RORB: variants seen among roughly 807,000 people sequenced by gnomAD.
The protein encoded by RORB is RAR related orphan receptor B.
In RORB, 6 loss-of-function variants were observed where a neutral mutation model predicts 59.1. The observed-to-expected ratio is 0.10, with a 90% CI of 0.06 to 0.20. The LOEUF (loss-of-function observed/expected upper bound fraction) is 0.20, where lower values mean the gene tolerates loss of function less well. RORB is among the 10% of genes least tolerant of loss of function. The probability of loss-of-function intolerance (pLI) is 1.00; values close to 1 mark genes in which losing one functional copy is unlikely to be tolerated. For synonymous variants in RORB, 215 were observed against 204.5 expected (o/e 1.05, Z -0.44); for missense variants, 320 against 560.5 (o/e 0.57, Z 4.33).
intron 2 of RORB, among the ~76,000 whole-genome samples, 200 bp from the exon 3 acceptor site, chr9:74,634,431 G>T (rs1385185485): frequency 1.3e-5 from 2 of 152,228 alleles, no homozygotes; most frequent in Non-Finnish European, 2.9e-5. Context: ...GTAAATGAAT[G>T]ATACCCTCAT....
chr9:74,571,756 A>T (rs989839060), intron 1 of RORB, among the ~76,000 whole-genome samples: 1 of 152,174 alleles, frequency 6.6e-6, no homozygotes, highest in Non-Finnish European at 1.5e-5. Context: ...CTATAGTTTG[A>T]CAAAATAGGA....
intron 1 of RORB, among the ~76,000 whole-genome samples, chr9:74,594,027 C>T (rs1342947471): frequency 6.6e-6 from 1 of 152,064 alleles, no homozygotes; most frequent in African/African-American, 2.4e-5. Context: ...TGCAAAGAGC[C>T]TCCAGTAGAA....
chr9:74,584,942 A>C (rs1822776475), intron 1 of RORB, among the ~76,000 whole-genome samples: 2 of 152,138 alleles, frequency 1.3e-5, no homozygotes, highest in Admixed American at 1.3e-4. Context: ...ACGATGCAAA[A>C]ACAAATGCTA....
intron 1 of RORB, among the ~76,000 whole-genome samples, chr9:74,622,507 G>C (rs895025432): frequency 1.7e-4 from 22 of 132,708 alleles, no homozygotes; most frequent in Non-Finnish European, 3.3e-4. Flanking sequence ...CAGAGATGCT[G>C]TTACAACCCA....
intron 1 of RORB, among the ~76,000 whole-genome samples, chr9:74,509,396 GA>G (rs1161166964): frequency 6.6e-6 from 1 of 151,596 alleles, no homozygotes; most frequent in Non-Finnish European, 1.5e-5. Flanking sequence ...TCAAAATTTT[GA>G]AAAAATTGCA....
chr9:74,679,828 A>G (rs1235173394), intron 9 of RORB, among the ~76,000 whole-genome samples: 1 of 151,764 alleles, frequency 6.6e-6, no homozygotes, highest in Non-Finnish European at 1.5e-5. Flanking sequence ...ATTCATTAAG[A>G]CTCTTTGGCC....
At chr9:74,539,868 CAA>C (rs11322021) in intron 1 of RORB, among the ~76,000 whole-genome samples, 1,471 of 113,552 alleles carry the variant, frequency 0.013, 15 homozygotes, top group Non-Finnish European at 0.015. Context: ...CTTAACCTCT[CAA>C]AAAAAAAAAA....
At position 74,613,817 on chromosome 9, in the gene RORB, G is replaced by T. The variant is rs556645586; in HGVS notation, c.8-16465G>T. On this transcript the variant is annotated intron_variant, in intron 1 of 9. Transcript: ENST00000376896. Reference sequence around the variant, plus strand: ...TAAGAGAAGACAGGAATAAAAGGAGGATTAACAAACCATTTGCTTTCTGTT... The same window carrying T: ...TAAGAGAAGACAGGAATAAAAGGAGTATTAACAAACCATTTGCTTTCTGTT... 6.0e-4 allele frequency among the ~76,000 whole-genome samples: 91 copies of T among 152,262 alleles called. 1 individual carries two copies. The highest frequency in any genetic ancestry group is 2.0e-3 in the Admixed American group (30 of 15,302).
intron 2 of RORB, among the ~76,000 whole-genome samples, chr9:74,631,583 G>T (rs972813471): frequency 6.6e-6 from 1 of 152,130 alleles, no homozygotes; most frequent in Admixed American, 6.5e-5. Flanking sequence ...TCTCAAAAAG[G>T]CATGAGTCTT....
intron 1 of RORB, among the ~76,000 whole-genome samples, chr9:74,515,205 A>G (rs1256937679): frequency 1.3e-5 from 2 of 151,584 alleles, no homozygotes; most frequent in East Asian, 1.9e-4. Context: ...CTAATTTCTA[A>G]CAAATATTAA....
chr9:74,631,395 AG>A (rs1240242317), intron 2 of RORB, among the ~76,000 whole-genome samples: 1 of 152,244 alleles, frequency 6.6e-6, no homozygotes, highest in Non-Finnish European at 1.5e-5. Flanking sequence ...TGATCAAAGA[AG>A]CAAGCAAAGT....
intron 1 of RORB, among the ~76,000 whole-genome samples, chr9:74,621,868 T>G (rs542600655): frequency 6.6e-6 from 1 of 152,348 alleles, no homozygotes; most frequent in South Asian, 2.1e-4. Context: ...TTCATAAATC[T>G]TCTTTGGTTA....
chr9:74,538,982 C>A (rs989654802), intron 1 of RORB, among the ~76,000 whole-genome samples: 1 of 152,050 alleles, frequency 6.6e-6, no homozygotes, highest in Non-Finnish European at 1.5e-5. Context: ...TCCTGAAATG[C>A]TCTTGCTAAT....
intron 3 of RORB, among the ~76,000 whole-genome samples, chr9:74,641,407 A>C (rs935487345): frequency 1.3e-5 from 2 of 152,350 alleles, no homozygotes; most frequent in Admixed American, 1.3e-4. Context: ...GATAGGAAAA[A>C]TAAAACTTGG....
intron 9 of RORB, among the ~76,000 whole-genome samples, chr9:74,684,663 C>A (rs181185497): frequency 6.6e-6 from 1 of 152,138 alleles, no homozygotes; most frequent in Non-Finnish European, 1.5e-5. Flanking sequence ...TATATCAAAA[C>A]CTAACAATTG....
intron 1 of RORB, among the ~76,000 whole-genome samples, chr9:74,584,526 G>A (rs1021700199): frequency 1.3e-5 from 2 of 152,196 alleles, no homozygotes; most frequent in African/African-American, 4.8e-5. Flanking sequence ...TCTGCAGGAA[G>A]TGTGGTATGC....
chr9:74,538,165 T>C (rs1417272500), intron 1 of RORB, among the ~76,000 whole-genome samples: 1 of 152,134 alleles, frequency 6.6e-6, no homozygotes. Context: ...CTAGGAGCAA[T>C]AGTTAAACCA....
intron 1 of RORB, among the ~76,000 whole-genome samples, chr9:74,552,813 AAAT>A (rs753804338): frequency 1.3e-5 from 2 of 151,874 alleles, no homozygotes; most frequent in Non-Finnish European, 2.9e-5. Flanking sequence ...TAAAGACACA[AAAT>A]AATAATAATA....
intron 1 of RORB, among the ~76,000 whole-genome samples, chr9:74,619,976 C>T (rs1023452239): frequency 2.0e-5 from 3 of 152,134 alleles, no homozygotes; most frequent in African/African-American, 4.8e-5. Context: ...CATCGATGTT[C>T]GTCAGGGATA....
Sources: allele counts gnomAD v4.1 joint callset (sites outside exome capture counted in the v4.1 genomes callset), GRCh38; gene constraint gnomAD v4.1.1; transcripts MANE v1.5; gene names NCBI Gene and HGNC (gene_info 2026-07-23, HGNC 2026-07-21).